ITGB3: variants seen among roughly 807,000 people sequenced by gnomAD.
The protein encoded by ITGB3 is integrin beta-3.
Under a neutral mutation model 85.8 loss-of-function variants are expected in ITGB3, and 48 were observed. That is an observed-to-expected ratio of 0.56 (90% CI 0.44 to 0.71). The LOEUF is 0.71. Ranked by LOEUF, ITGB3 falls within the 30% of genes least tolerant of loss-of-function variation. The probability of loss-of-function intolerance (pLI) is 0.00; values close to 1 mark genes in which losing one functional copy is unlikely to be tolerated. For missense variants in ITGB3, 861 were observed against 1,019.1 expected, an observed-to-expected ratio of 0.84 and a Z score of 2.11; for synonymous variants, 363 against 395.6, an observed-to-expected ratio of 0.92 and a Z score of 0.98.
chr17:47,276,597 A>G (rs2065064772), intron 2 of ITGB3, among the ~76,000 whole-genome samples: 1 of 152,212 alleles, frequency 6.6e-6, no homozygotes, highest in Non-Finnish European at 1.5e-5. Context: ...TAAACATGAA[A>G]GGAGGCGGGG....
At chr17:47,294,901 A>G (rs1014601275) in intron 10 of ITGB3, among the ~76,000 whole-genome samples, 1 of 152,196 alleles carries the variant, frequency 6.6e-6, no homozygotes, top group Non-Finnish European at 1.5e-5. Flanking sequence ...GCCTGTAAGC[A>G]TGGCGGCTGG....
chr17:47,289,152 C>G (rs576220710), intron 6 of ITGB3, among the ~76,000 whole-genome samples: 1 of 152,296 alleles, frequency 6.6e-6, no homozygotes, highest in South Asian at 2.1e-4. Flanking sequence ...AGTTCCAAAA[C>G]AGAGGCCTAA....
intron 2 of ITGB3, among the ~76,000 whole-genome samples, chr17:47,278,114 T>C (rs1191619664): frequency 6.6e-6 from 1 of 152,200 alleles, no homozygotes; most frequent in African/African-American, 2.4e-5. Flanking sequence ...TTCTGCCCTC[T>C]TCATTCTTTT....
At chr17:47,276,168 A>G (rs1324044593) in intron 2 of ITGB3, among the ~76,000 whole-genome samples, 1 of 152,118 alleles carries the variant, frequency 6.6e-6, no homozygotes, top group Non-Finnish European at 1.5e-5. Context: ...CCTCCTTTCC[A>G]ACCCAAAGCA....
chr17:47,298,084 G>A (rs550192833), intron 10 of ITGB3, among the ~76,000 whole-genome samples: 1 of 152,214 alleles, frequency 6.6e-6, no homozygotes, highest in South Asian at 2.1e-4. Context: ...AAGACAGGTT[G>A]TGTTGGTGAA....
chr17:47,284,776 G>T, intron 4 of ITGB3, 81 bp downstream of exon 4: 7 of 1,580,606 alleles, frequency 4.4e-6, no homozygotes, highest in Non-Finnish European at 6.1e-6. Context: ...CTAGCTCTAG[G>T]ATCACTTTGT....
intron 1 of ITGB3, 83 bp downstream of exon 1, chr17:47,254,023 C>A: frequency 2.2e-6 from 2 of 912,588 alleles, no homozygotes; most frequent in Non-Finnish European, 3.0e-6. Context: ...AGCCGGCAAA[C>A]GCGGAGGGCT....
At chr17:47,272,883 C>T (rs1479387424) in intron 1 of ITGB3, among the ~76,000 whole-genome samples, 1 of 152,036 alleles carries the variant, frequency 6.6e-6, no homozygotes, top group African/African-American at 2.4e-5. Flanking sequence ...AAGTGATTCT[C>T]CTGCCTCAGC....
chr17:47,263,484 A>G (rs867379947), intron 1 of ITGB3, among the ~76,000 whole-genome samples: 5 of 47,406 alleles, frequency 1.1e-4, no homozygotes, highest in African/African-American at 3.8e-4. Context: ...CGCCCCCCCC[A>G]CCCCCACCCT....
At position 47,299,681 on chromosome 17, in the gene ITGB3, A is replaced by C. The variant is rs1567768736; in HGVS notation, c.1913+151A>C. On this transcript the variant is annotated intron_variant, in intron 11 of 14. Coordinates refer to ENST00000559488, the MANE Select transcript of ITGB3 (RefSeq NM_000212.3). This position sits in a 1 kb window ranked among gnomAD's most constrained non-coding sequence, Gnocchi z 5.1. ...CCAGATGGCTGTCTCTCCTTTTGCC[A>C]AAGGCTTTGGGCAAGTTGGAATAGA... is the stretch of plus-strand genomic sequence containing the variant. 2 of 813,048 alleles carry C rather than the reference A, an allele frequency of 2.5e-6. No homozygotes were observed. Among genetic ancestry groups the C allele is most frequent in the South Asian group, 3.0e-5 (2 of 67,054 alleles). 50.4% of individuals were successfully genotyped at this position (813,048 alleles called of 1,614,324 possible).
chr17:47,255,073 G>A lies in ITGB3; in HGVS notation c.79+1133G>A, dbSNP rs185926278. Among the ~76,000 whole-genome samples the A allele has an allele frequency of 5.9e-5, 9 of 152,150 alleles. No individual in the cohort carries two copies. In the East Asian group the frequency reaches 1.7e-3, roughly 29 times the overall value. Reference sequence around the variant, plus strand: ...GGCTCACTGCAACTTCTGCCTCCTGGGTTTAAGCGATTCTTCTGGCTCAGC... The same window carrying A: ...GGCTCACTGCAACTTCTGCCTCCTGAGTTTAAGCGATTCTTCTGGCTCAGC... On this transcript the variant is annotated intron_variant, in intron 1 of 14. Transcript: ENST00000559488.
Position 47,299,204 on chromosome 17 carries a change from C to T in ITGB3, c.1691-104C>T. ...CCAATTCCCTGCCAACCTGGAGGAT[C>T]ATTATCTGTGTGGTTGGGAGAGCAG... On this transcript the variant is annotated intron_variant, in intron 10 of 14. Transcript: ENST00000559488. The surrounding 1 kb of genome is among the most constrained non-coding windows in gnomAD (Gnocchi z 5.1). 1 of 1,119,650 alleles carries T rather than the reference C, an allele frequency of 8.9e-7. No homozygotes were observed. Among genetic ancestry groups the T allele is most frequent in the Non-Finnish European group, 1.3e-6 (1 of 752,650 alleles). 69.4% of individuals were successfully genotyped at this position (1,119,650 alleles called of 1,614,324 possible).
In ITGB3 at chr17:47,253,933, C is replaced by G; in HGVS notation, c.72C>G (p.Gly24=). 7.0e-7 allele frequency: 1 copy of G among 1,418,524 alleles called. No homozygotes were observed. The highest frequency in any genetic ancestry group is 9.3e-7 in the Non-Finnish European group (1 of 1,080,282). The allele number at this position is 1,418,524 out of a possible 1,614,324, so 87.9% of individuals were successfully genotyped here. The stretch of plus-strand genomic sequence containing the variant: ...CGCTGGGGGCGCTGGCGGGCGTTGG[C>G]GTAGGAGGTGAGTGAGGCTCCGGCT... The part of the protein sequence containing the change: ...VLALGALAGV[G]VGGPNICTTR... Residue 24 remains glycine (G), a synonymous_variant, in exon 1 of 15, where the codon GGC becomes GGG. Transcript: ENST00000559488.
At chr17:47,265,436 C>G (rs768353649) in intron 1 of ITGB3, among the ~76,000 whole-genome samples, 7 of 152,204 alleles carry the variant, frequency 4.6e-5, no homozygotes, top group Non-Finnish European at 8.8e-5. Context: ...CTTCCTCCTT[C>G]CTATCTTCTG....
intron 1 of ITGB3, among the ~76,000 whole-genome samples, chr17:47,272,716 TTTC>T (rs1964909041): frequency 1.4e-5 from 2 of 144,692 alleles, no homozygotes; most frequent in African/African-American, 5.2e-5. Context: ...TCTTTCTTTC[TTTC>T]TTTCTTTCGT....
chr17:47,305,218 C>T (rs533300269), intron 13 of ITGB3, among the ~76,000 whole-genome samples: 1 of 152,300 alleles, frequency 6.6e-6, no homozygotes, highest in South Asian at 2.1e-4. Flanking sequence ...AATTGTTTTT[C>T]CCAGAACTGG....
chr17:47,300,340 C>CGTGTGTGTGTGTGTGTGT (rs781123948), intron 11 of ITGB3, 138 bp from the exon 12 acceptor site: 3 of 507,890 alleles, frequency 5.9e-6, no homozygotes, highest in Non-Finnish European at 1.0e-5. Flanking sequence ...TACAGGCGCG[C>CGTGTGTGTGTGTGTGTGT]GCGCGCGTGT....
chr17:47,278,930 A>G (rs978292053), intron 2 of ITGB3, among the ~76,000 whole-genome samples: 15 of 152,244 alleles, frequency 9.9e-5, no homozygotes, highest in Non-Finnish European at 2.1e-4. Flanking sequence ...CCCTGAAACC[A>G]GTCCCTGGTG....
At chr17:47,253,988 C>A in intron 1 of ITGB3, 48 bp downstream of exon 1, 1 of 1,238,772 alleles carries the variant, frequency 8.1e-7, no homozygotes. Context: ...CCAGGATCTG[C>A]GCCCCGGTCA....
Sources: gnomAD v4.1 joint callset for allele counts (sites outside exome capture counted in the v4.1 genomes callset) on GRCh38, gnomAD v4.1.1 for gene constraint, Gnocchi (gnomAD v3.1) non-coding constraint, MANE v1.5 for transcripts, NCBI Gene and HGNC (gene_info 2026-07-23, HGNC 2026-07-21) for gene names.